The following SMARCAD1 variants were observed in gnomAD, a reference collection of about 807,000 sequenced individuals.
SMARCAD1 encodes SWI/SNF-related matrix-associated actin-dependent regulator of chromatin subfamily A containing DEAD/H box 1.
SMARCAD1 carries 25 observed loss-of-function variants against 127.1 expected under a neutral mutation model. That is an observed-to-expected ratio of 0.20 (90% CI 0.14 to 0.27). The LOEUF (loss-of-function observed/expected upper bound fraction) is 0.27. SMARCAD1 is among the 10% of genes least tolerant of loss of function. The pLI is 1.00. For synonymous variants in SMARCAD1, 400 were observed against 396.9 expected, an observed-to-expected ratio of 1.01 and a Z score of -0.09; for missense variants, 807 against 1,206.0, an observed-to-expected ratio of 0.67 and a Z score of 4.90.
chr4:94,232,532 A>G lies in SMARCAD1; in HGVS notation c.369-1422A>G, dbSNP rs190267263. 3.5e-3 allele frequency among the ~76,000 whole-genome samples: 528 copies of G among 152,322 alleles called. 1 individual carries two copies. The highest frequency in any genetic ancestry group is 0.012 in the African/African-American group (487 of 41,578). On this transcript the variant is annotated intron_variant, in intron 3 of 23. Transcript: ENST00000354268. ...AGTCTAGGTATAATAATGCAAAGGAAATGCATGTGATTGTCCTCAAATATT... is the reference window on the plus strand; with the variant it reads ...AGTCTAGGTATAATAATGCAAAGGAGATGCATGTGATTGTCCTCAAATATT...
intron 23 of SMARCAD1, 53 bp from the exon 24 acceptor site, chr4:94,289,420 T>G: frequency 6.7e-7 from 1 of 1,491,276 alleles, no homozygotes; most frequent in East Asian, 2.3e-5. Context: ...AGACAATTTT[T>G]TTTTAAGTAA....
chr4:94,287,891 G>T (rs982239098), intron 23 of SMARCAD1, among the ~76,000 whole-genome samples: 4 of 152,044 alleles, frequency 2.6e-5, no homozygotes, highest in African/African-American at 9.7e-5. Flanking sequence ...TGTGGTTCAT[G>T]CTTATAATGC....
At chr4:94,220,366 GC>G (rs1297196343) in intron 2 of SMARCAD1, among the ~76,000 whole-genome samples, 2 of 152,070 alleles carry the variant, frequency 1.3e-5, no homozygotes, top group African/African-American at 4.8e-5. Context: ...TCCCACCTCA[GC>G]CTCCCTAGTA....
At chr4:94,250,664 G>A (rs946358899) in intron 7 of SMARCAD1, 88 bp from the exon 8 acceptor site, 1 of 807,400 alleles carries the variant, frequency 1.2e-6, no homozygotes, top group Non-Finnish European at 2.0e-6. Context: ...GTTTTCAGGT[G>A]ATTAACTTAT....
At chr4:94,286,528 C>G (rs556400058) in intron 23 of SMARCAD1, among the ~76,000 whole-genome samples, 1 of 152,128 alleles carries the variant, frequency 6.6e-6, no homozygotes, top group South Asian at 2.1e-4. Flanking sequence ...ACTTTATTAT[C>G]GAAAATCAGT....
chr4:94,287,871 T>C (rs1179465913), intron 23 of SMARCAD1, among the ~76,000 whole-genome samples: 1 of 152,054 alleles, frequency 6.6e-6, no homozygotes, highest in Non-Finnish European at 1.5e-5. Context: ...ATGAAAGCAG[T>C]GGCTGGGCGT....
At chr4:94,226,761 A>G (rs1005999189) in intron 3 of SMARCAD1, among the ~76,000 whole-genome samples, 3 of 152,134 alleles carry the variant, frequency 2.0e-5, no homozygotes, top group Admixed American at 2.0e-4. Context: ...CACAGCTTAT[A>G]TTCTAGTCAG....
chr4:94,265,586 G>T lies in SMARCAD1; in HGVS notation c.1481+680G>T, dbSNP rs1424331297. On this transcript the variant is annotated intron_variant, in intron 10 of 23. Transcript: ENST00000354268. ...TGTGATCGCCCACATTTTGCATGTT[G>T]TTGGCAGATTGGGGTGGGGGAAATT... Among the ~76,000 whole-genome samples, 3 of 151,632 alleles carry T rather than the reference G, an allele frequency of 2.0e-5. No homozygotes were observed. In the East Asian group the frequency reaches 5.8e-4, roughly 29 times the overall value.
At chr4:94,239,073 T>C (rs1560529751) in intron 5 of SMARCAD1, among the ~76,000 whole-genome samples, 1 of 152,156 alleles carries the variant, frequency 6.6e-6, no homozygotes, top group Non-Finnish European at 1.5e-5. Context: ...AATAAAAAAT[T>C]AGGATTTTCT....
At chr4:94,228,095 T>G (rs2125840777) in intron 3 of SMARCAD1, among the ~76,000 whole-genome samples, 1 of 152,322 alleles carries the variant, frequency 6.6e-6, no homozygotes, top group East Asian at 1.9e-4. Context: ...TGTCTACTTC[T>G]GATAAGATGA....
chr4:94,282,186 G>A lies in SMARCAD1; in HGVS notation c.2726+596G>A, dbSNP rs1238153669. 8.2e-5 allele frequency among the ~76,000 whole-genome samples: 5 copies of A among 61,322 alleles called. 1 individual carries two copies. The highest frequency in any genetic ancestry group is 1.6e-4 in the Non-Finnish European group (5 of 31,288). The allele number at this position is 61,322 out of a possible 152,430, so 40.2% of individuals were successfully genotyped here. On this transcript the variant is annotated intron_variant, in intron 21 of 23. Coordinates refer to ENST00000354268, the MANE Select transcript of SMARCAD1 (RefSeq NM_020159.5). The stretch of plus-strand genomic sequence containing the variant: ...GCGATCTCGGCTCACTGCAAGCTCC[G>A]CCTCCTGGGTTCACGCCATTCTGCC...
Position 94,291,089 on chromosome 4 carries a change from G to C in SMARCAD1, c.*1555G>C, listed in dbSNP as rs878861743. ...TATACCCAAATCAGTTATTCAAATT[G>C]TTAGGAATTTTACCTTTTAAAATCT... is the stretch of plus-strand genomic sequence containing the variant. On this transcript the variant is annotated 3_prime_UTR_variant, in exon 24 of 24. Coordinates refer to ENST00000354268, the MANE Select transcript of SMARCAD1 (RefSeq NM_020159.5). 1 of 448,274 alleles carries C rather than the reference G, an allele frequency of 2.2e-6. No individual in the cohort carries two copies. Among genetic ancestry groups the C allele is most frequent in the South Asian group, 1.6e-5 (1 of 62,788 alleles). The allele number at this position is 448,274 out of a possible 1,614,324, so 27.8% of individuals were successfully genotyped here. A position where few individuals can be genotyped will look rare whatever the true frequency, so the allele number is the denominator to read the frequency against.
chr4:94,229,980 T>G (rs899790626), intron 3 of SMARCAD1, among the ~76,000 whole-genome samples: 13 of 152,044 alleles, frequency 8.6e-5, no homozygotes, highest in African/African-American at 2.7e-4. Context: ...AGTTTTAGAA[T>G]AGCTACACCC....
intron 2 of SMARCAD1, chr4:94,213,070 G>A (rs1412051498): frequency 7.8e-7 from 1 of 1,287,938 alleles, no homozygotes; most frequent in Non-Finnish European, 1.0e-6. Context: ...GCAGGTGAAA[G>A]GGAAGAGAGA....
At chr4:94,247,649 A>C (rs755368046) in intron 6 of SMARCAD1, among the ~76,000 whole-genome samples, 12 of 152,224 alleles carry the variant, frequency 7.9e-5, no homozygotes, top group Non-Finnish European at 1.6e-4. Flanking sequence ...TCACCTCGTA[A>C]TAGCATGCTA....
rs374240816 is a variant in SMARCAD1 at position 94,256,740 on chromosome 4, C to T, written c.1281+3733C>T. On this transcript the variant is annotated intron_variant, in intron 9 of 23. Transcript: ENST00000354268. ...ACTTAAAGCATGGTAATACATATTTCTTCCTTCTGAATAAGGTGGCACCAG... is the reference window on the plus strand; with the variant it reads ...ACTTAAAGCATGGTAATACATATTTTTTCCTTCTGAATAAGGTGGCACCAG... Among the ~76,000 whole-genome samples, 17 of 152,256 alleles carry T rather than the reference C, an allele frequency of 1.1e-4. No individual in the cohort carries two copies. The East Asian group carries it at 2.7e-3, about 24-fold the overall frequency.
rs1753322074 is a variant in SMARCAD1, at chr4:94,276,487, TTGTA to T, written c.1944+14_1944+17del. 1 of 1,613,812 alleles carries T rather than the reference TTGTA, an allele frequency of 6.2e-7. No homozygotes were observed. The highest frequency in any genetic ancestry group is 2.2e-5 in the East Asian group (1 of 44,856). On this transcript the variant is annotated intron_variant, in intron 15 of 23. Transcript: ENST00000354268. ...TATGACAATTAATGTAAGAGAATGT[TTGTA>T]AAGTTTTCCAAATTACTGTAAAATT...
chr4:94,262,334 A>G (rs1441344952), intron 9 of SMARCAD1, among the ~76,000 whole-genome samples: 1 of 152,158 alleles, frequency 6.6e-6, no homozygotes, highest in Non-Finnish European at 1.5e-5. Context: ...GAAGTCTGGG[A>G]GTCAGGCTTA....
At chr4:94,235,640 ATT>A (rs761940704) in intron 4 of SMARCAD1, among the ~76,000 whole-genome samples, 42 of 134,198 alleles carry the variant, frequency 3.1e-4, no homozygotes, top group Admixed American at 2.2e-3. Context: ...GCTAATGTGA[ATT>A]TTTTTTTTTT....
Sources: allele counts gnomAD v4.1 joint callset (sites outside exome capture counted in the v4.1 genomes callset), GRCh38; gene constraint gnomAD v4.1.1; transcripts MANE v1.5; gene names NCBI Gene and HGNC (gene_info 2026-07-23, HGNC 2026-07-21).